Variants in IL5RA observed in about 807,000 individuals in gnomAD.
IL5RA encodes interleukin 5 receptor subunit alpha.
Under a neutral mutation model 50.0 loss-of-function variants are expected in IL5RA, and 49 were observed. That is an observed-to-expected ratio of 0.98 (90% CI 0.78 to 1.24). The LOEUF (loss-of-function observed/expected upper bound fraction) is 1.24, where lower values mean the gene tolerates loss of function less well. Ranked by LOEUF, IL5RA falls within the 50% of genes most tolerant of loss-of-function variation. The probability of loss-of-function intolerance (pLI) is 0.00; values close to 1 mark genes in which losing one functional copy is unlikely to be tolerated. For missense variants in IL5RA, 600 were observed against 500.4 expected, an observed-to-expected ratio of 1.20 and a Z score of -1.90; for synonymous variants, 202 against 174.0, an observed-to-expected ratio of 1.16 and a Z score of -1.26.
chr3:3,074,020 A>G (rs1037173986), intron 11 of IL5RA, among the ~76,000 whole-genome samples: 2 of 152,248 alleles, frequency 1.3e-5, no homozygotes, highest in African/African-American at 2.4e-5. Flanking sequence ...TCCTACAGAA[A>G]TGCCAAGGCA....
In IL5RA at chr3:3,098,072, T is replaced by C. The variant is rs538990883; in HGVS notation, c.522-15A>G. ...AAGAGCCATACCTAAATTGGAACAT[T>C]TACGAGTGTTATGAGGTTGCAGGAA... On this transcript the variant is annotated splice_polypyrimidine_tract_variant and intron_variant, in intron 6 of 11. Coordinates refer to ENST00000446632, the MANE Select transcript of IL5RA (RefSeq NM_175726.4). 75 of 1,614,086 alleles carry C rather than the reference T, an allele frequency of 4.6e-5. No homozygotes were observed. In the African/African-American group the frequency reaches 8.0e-4, roughly 17 times the overall value.
chr3:3,094,220 C>T (rs1287839853), intron 8 of IL5RA, among the ~76,000 whole-genome samples: 1 of 152,180 alleles, frequency 6.6e-6, no homozygotes, highest in Non-Finnish European at 1.5e-5. Flanking sequence ...GTTCAACACT[C>T]TTTTAATCTT....
At chr3:3,072,066 C>T (rs1702318389) in intron 11 of IL5RA, among the ~76,000 whole-genome samples, 1 of 152,238 alleles carries the variant, frequency 6.6e-6, no homozygotes, top group Non-Finnish European at 1.5e-5. Flanking sequence ...CCAGTGGCCA[C>T]TGCCCATAGC....
chr3:3,109,693 G>A (rs933854030), intron 1 of IL5RA, among the ~76,000 whole-genome samples: 1 of 152,018 alleles, frequency 6.6e-6, no homozygotes, highest in Non-Finnish European at 1.5e-5. Context: ...AAGTTTAATG[G>A]GACCATTATT....
At chr3:3,095,007 G>A (rs1192141900) in intron 8 of IL5RA, among the ~76,000 whole-genome samples, 3 of 152,150 alleles carry the variant, frequency 2.0e-5, no homozygotes, top group South Asian at 2.1e-4. Flanking sequence ...GATTACAGGC[G>A]TGAGTCACCC....
intron 3 of IL5RA, among the ~76,000 whole-genome samples, chr3:3,104,035 T>A (rs1703787910): frequency 6.6e-6 from 1 of 152,208 alleles, no homozygotes; most frequent in African/African-American, 2.4e-5. Flanking sequence ...TGAAATTTTA[T>A]TTAATTAATC....
intron 2 of IL5RA, among the ~76,000 whole-genome samples, chr3:3,108,312 T>TTAC (rs1423396768): frequency 2.6e-5 from 4 of 152,202 alleles, no homozygotes; most frequent in Non-Finnish European, 5.9e-5. Context: ...CAATTTTTTT[T>TTAC]TACTACTACT....
At chr3:3,082,430 C>A (rs780211797) in intron 9 of IL5RA, among the ~76,000 whole-genome samples, 1 of 152,218 alleles carries the variant, frequency 6.6e-6, no homozygotes, top group Non-Finnish European at 1.5e-5. Flanking sequence ...AGAAGTCACA[C>A]AGCCTATTCT....
intron 11 of IL5RA, chr3:3,073,856 ATCACTTTTGGAGGCCTT>A: frequency 2.3e-6 from 1 of 438,704 alleles, no homozygotes; most frequent in Non-Finnish European, 4.5e-6. Context: ...TTTTTAAAAA[ATCACTTTTGGAGGCCTT>A]CCACAAATGG....
intron 7 of IL5RA, among the ~76,000 whole-genome samples, chr3:3,097,122 G>C (rs949924468): frequency 6.6e-6 from 1 of 152,220 alleles, no homozygotes; most frequent in Non-Finnish European, 1.5e-5. Context: ...GAGAGCGCCT[G>C]ATGAGTTTCA....
At chr3:3,107,924 C>T (rs1704005616) in intron 2 of IL5RA, among the ~76,000 whole-genome samples, 1 of 152,142 alleles carries the variant, frequency 6.6e-6, no homozygotes, top group Non-Finnish European at 1.5e-5. Flanking sequence ...AAATATTTTC[C>T]CCTCTTTTTT....
chr3:3,100,270 G>T (rs1703581857), intron 5 of IL5RA, among the ~76,000 whole-genome samples: 1 of 152,168 alleles, frequency 6.6e-6, no homozygotes, highest in South Asian at 2.1e-4. Context: ...CTTTCAAGAA[G>T]CAGAGGGAGA....
At chr3:3,091,043 T>C (rs1703076247) in intron 9 of IL5RA, among the ~76,000 whole-genome samples, 1 of 152,170 alleles carries the variant, frequency 6.6e-6, no homozygotes, top group African/African-American at 2.4e-5. Flanking sequence ...CCCATCTTAC[T>C]TGCCAAGCAA....
chr3:3,075,075 A>T (rs576489621), intron 10 of IL5RA, among the ~76,000 whole-genome samples: 164 of 152,218 alleles, frequency 1.1e-3, no homozygotes, highest in African/African-American at 3.9e-3. Flanking sequence ...GGGAAGACCA[A>T]ATGGAAACTG....
intron 11 of IL5RA, among the ~76,000 whole-genome samples, chr3:3,073,224 T>A (rs1402652796): frequency 6.6e-6 from 1 of 152,200 alleles, no homozygotes; most frequent in East Asian, 1.9e-4. Flanking sequence ...TTGAAATTAA[T>A]CATTTTGGTG....
chr3:3,075,347 C>T (rs977078401), intron 10 of IL5RA, among the ~76,000 whole-genome samples: 7 of 151,442 alleles, frequency 4.6e-5, no homozygotes, highest in African/African-American at 1.7e-4. Flanking sequence ...GGACTACAGG[C>T]ACATGCCACT....
Position 3,097,913 on chromosome 3 carries a change from A to C in IL5RA, c.666T>G (p.Ser222=). Residue 222 remains serine, a synonymous_variant, in exon 7 of 12, where the codon TCT becomes TCG. Coordinates refer to ENST00000446632, the MANE Select transcript of IL5RA (RefSeq NM_175726.4). ...ACAGCTGATCAAAGGGCCTGATAGCAGAGTGCTTGCTGGAGCCGTTAACAA... is the reference window on the plus strand; with the variant it reads ...ACAGCTGATCAAAGGGCCTGATAGCCGAGTGCTTGCTGGAGCCGTTAACAA... ...AVLVNGSSKH[S]AIRPFDQLFA... is the part of the protein sequence containing the mutation. 1 of 1,614,216 alleles carries C rather than the reference A, an allele frequency of 6.2e-7. No homozygotes were observed. Among genetic ancestry groups the C allele is most frequent in the Non-Finnish European group, 8.5e-7 (1 of 1,180,032 alleles).
At chr3:3,089,961 G>T in intron 9 of IL5RA, 1 of 424,724 alleles carries the variant, frequency 2.4e-6, no homozygotes, top group Non-Finnish European at 4.2e-6. Context: ...TTTAAAGCTT[G>T]CAGAATCCTG....
chr3:3,098,680 C>T (rs1260037300), intron 5 of IL5RA, among the ~76,000 whole-genome samples: 1 of 152,178 alleles, frequency 6.6e-6, no homozygotes, highest in African/African-American at 2.4e-5. Flanking sequence ...GCTGGAATTA[C>T]AGGCATGAGC....
Sources: gnomAD v4.1 joint callset for allele counts (sites outside exome capture counted in the v4.1 genomes callset) on GRCh38, gnomAD v4.1.1 for gene constraint, MANE v1.5 for transcripts, NCBI Gene and HGNC (gene_info 2026-07-23, HGNC 2026-07-21) for gene names.